Variants in SMIM10L3 observed in about 807,000 individuals in gnomAD.
SMIM10L3 encodes salivary gland specific protein SAGSIN1.
the SMIM10L3 span, among the ~76,000 whole-genome samples, chr7:6,335,896 G>A: frequency 6.6e-6 from 1 of 151,846 alleles, no homozygotes; most frequent in Non-Finnish European, 1.5e-5. Context: ...AGAGTGGCCG[G>A]GAGCAGTGGC....
At chr7:6,331,642 A>G in the SMIM10L3 span, among the ~76,000 whole-genome samples, 433 of 151,998 alleles carry the variant, frequency 2.8e-3, 2 homozygotes, top group African/African-American at 0.01. Context: ...GGCCTCCCAA[A>G]GTACTGGGAT....
the SMIM10L3 span, among the ~76,000 whole-genome samples, chr7:6,337,562 A>G: frequency 6.6e-6 from 1 of 151,674 alleles, no homozygotes; most frequent in Non-Finnish European, 1.5e-5. Context: ...GAATTGTGTT[A>G]AAGTACTTTA....
the SMIM10L3 span, chr7:6,348,878 G>A: frequency 2.6e-6 from 1 of 388,648 alleles, no homozygotes; most frequent in South Asian, 1.4e-4. Flanking sequence ...ACCGGCGGGC[G>A]GGCGGGCCGC....
chr7:6,336,920 C>G, the SMIM10L3 span, among the ~76,000 whole-genome samples: 1 of 151,808 alleles, frequency 6.6e-6, no homozygotes, highest in Non-Finnish European at 1.5e-5. Context: ...TCCCAAAGTG[C>G]TGGAATTACA....
the SMIM10L3 span, among the ~76,000 whole-genome samples, chr7:6,347,154 C>G: frequency 6.6e-6 from 1 of 152,094 alleles, no homozygotes; most frequent in South Asian, 2.1e-4. Context: ...TGGGAAGACC[C>G]TGTCTCTACC....
the SMIM10L3 span, chr7:6,330,309 A>T: frequency 2.8e-6 from 4 of 1,453,114 alleles, no homozygotes; most frequent in African/African-American, 1.4e-5. Context: ...ATCCAGACTT[A>T]ATGCGAAAGA....
chr7:6,340,344 C>T, the SMIM10L3 span, among the ~76,000 whole-genome samples: 1 of 152,126 alleles, frequency 6.6e-6, no homozygotes, highest in African/African-American at 2.4e-5. Flanking sequence ...CAGGGAAGGA[C>T]AAAACGCTGC....
the SMIM10L3 span, chr7:6,331,277 A>C: frequency 1.0e-6 from 1 of 976,030 alleles, no homozygotes; most frequent in South Asian, 1.7e-5. Flanking sequence ...ATGAAGACAC[A>C]TGGGTCTTAA....
the SMIM10L3 span, among the ~76,000 whole-genome samples, chr7:6,337,001 G>C: frequency 6.6e-6 from 1 of 151,852 alleles, no homozygotes. Context: ...AATGTGCTAA[G>C]TATGAACATT....
the SMIM10L3 span, among the ~76,000 whole-genome samples, chr7:6,348,343 G>C: frequency 6.6e-6 from 1 of 152,052 alleles, no homozygotes; most frequent in Non-Finnish European, 1.5e-5. Flanking sequence ...CCCGAGCTGC[G>C]GGACCTTCCC....
chr7:6,342,414 A>G, the SMIM10L3 span, among the ~76,000 whole-genome samples: 1 of 151,768 alleles, frequency 6.6e-6, no homozygotes, highest in East Asian at 2.0e-4. Flanking sequence ...GCATGGTGGT[A>G]GGCACCTGTA....
chr7:6,337,417 C>CAT, the SMIM10L3 span, among the ~76,000 whole-genome samples: 2 of 151,554 alleles, frequency 1.3e-5, no homozygotes, highest in Admixed American at 6.6e-5. Flanking sequence ...CCACTGCGCC[C>CAT]GCCCAGTATT....
At chr7:6,341,129 G>A in the SMIM10L3 span, among the ~76,000 whole-genome samples, 1 of 145,652 alleles carries the variant, frequency 6.9e-6, no homozygotes, top group African/African-American at 2.6e-5. Context: ...GGGCGACACA[G>A]CAAGACTCTG....
chr7:6,330,275 G>A, the SMIM10L3 span: 2 of 1,156,546 alleles, frequency 1.7e-6, no homozygotes, highest in South Asian at 1.6e-5. Context: ...ACTACAGCAG[G>A]AACCTAAGGG....
chr7:6,342,252 AAC>A, the SMIM10L3 span, among the ~76,000 whole-genome samples: 1 of 151,402 alleles, frequency 6.6e-6, no homozygotes, highest in Non-Finnish European at 1.5e-5. Context: ...GTCTTATAGA[AAC>A]AGTGTCTAGG....
the SMIM10L3 span, among the ~76,000 whole-genome samples, chr7:6,347,980 G>C: frequency 6.6e-6 from 1 of 150,630 alleles, no homozygotes. Flanking sequence ...GAGCGATCTC[G>C]GCTCACCGCA....
the SMIM10L3 span, chr7:6,330,628 G>C: frequency 5.0e-6 from 8 of 1,614,116 alleles, no homozygotes; most frequent in Non-Finnish European, 5.9e-6. Context: ...CAGACCCTTG[G>C]GAAAAGCACT....
At chr7:6,343,060 GAAAGAA>G in the SMIM10L3 span, among the ~76,000 whole-genome samples, 1 of 148,812 alleles carries the variant, frequency 6.7e-6, no homozygotes, top group African/African-American at 2.5e-5. Flanking sequence ...AAAAAAGAAA[GAAAGAA>G]AGAGGAAGAG....
the SMIM10L3 span, chr7:6,329,989 CA>C: frequency 4.6e-6 from 1 of 218,604 alleles, no homozygotes; most frequent in Non-Finnish European, 9.9e-6. Context: ...GTAGACTTTA[CA>C]AGTATCCACT....
Sources: allele counts gnomAD v4.1 joint callset (sites outside exome capture counted in the v4.1 genomes callset), GRCh38; gene constraint gnomAD v4.1.1; transcripts MANE v1.5; gene names NCBI Gene and HGNC (gene_info 2026-07-23, HGNC 2026-07-21).